The following TLE4 variants were observed in gnomAD, a reference collection of about 807,000 sequenced individuals.
The protein encoded by TLE4 is TLE family member 4, transcriptional corepressor.
Under a neutral mutation model 92.8 loss-of-function variants are expected in TLE4, and 8 were observed. The observed-to-expected ratio is 0.09, with a 90% CI of 0.05 to 0.16. The LOEUF (loss-of-function observed/expected upper bound fraction) is 0.16. Ranked by LOEUF, TLE4 falls within the 10% of genes least tolerant of loss-of-function variation. The pLI, the probability that TLE4 is intolerant of heterozygous loss-of-function variation, is 1.00. For missense variants in TLE4, 675 were observed against 997.6 expected, an observed-to-expected ratio of 0.68 and a Z score of 4.36; for synonymous variants, 371 against 374.1, an observed-to-expected ratio of 0.99 and a Z score of 0.10.
intron 14 of TLE4, among the ~76,000 whole-genome samples, chr9:79,716,825 T>A (rs2074590268): frequency 6.6e-6 from 1 of 152,246 alleles, no homozygotes. Context: ...CACTAATGAA[T>A]GTGCCCCTCA....
intron 4 of TLE4, among the ~76,000 whole-genome samples, chr9:79,578,228 GTT>G (rs1469866078): frequency 1.3e-5 from 2 of 152,184 alleles, no homozygotes; most frequent in Non-Finnish European, 1.5e-5. Context: ...ATGCAGGGAA[GTT>G]GCCCTGCGGC....
At chr9:79,593,790 GGT>G (rs2043259358) in intron 4 of TLE4, among the ~76,000 whole-genome samples, 1 of 151,880 alleles carries the variant, frequency 6.6e-6, no homozygotes, top group East Asian at 1.9e-4. Context: ...AGGTTCAAAG[GGT>G]GATACATAAA....
At position 79,707,205 on chromosome 9, in the gene TLE4, G is replaced by A. The variant is rs116420758; in HGVS notation, c.936+306G>A. 1.6e-3 allele frequency: 2,632 copies of A among 1,612,590 alleles called. 38 individuals carry two copies. The African/African-American group carries it at 0.031, about 19-fold the overall frequency. Reference sequence around the variant, plus strand: ...TTGGGGTTACAGAGATGGTTTTGTCGCCTGTGGTTTATGGTAAATTTAGTT... The same window carrying A: ...TTGGGGTTACAGAGATGGTTTTGTCACCTGTGGTTTATGGTAAATTTAGTT... On this transcript the variant is annotated intron_variant, in intron 11 of 19. Coordinates refer to ENST00000376552, the MANE Select transcript of TLE4 (RefSeq NM_007005.6).
At position 79,578,831 on chromosome 9, in the gene TLE4, AT is replaced by A. The variant is rs11419323; in HGVS notation, c.252+2668del. Among the ~76,000 whole-genome samples the A allele has an allele frequency of 3.5e-3, 509 of 144,524 alleles. 2 individuals are homozygous for A. Among genetic ancestry groups the A allele is most frequent in the East Asian group, 0.014 (72 of 4,972 alleles). 94.8% of individuals were successfully genotyped at this position (144,524 alleles called of 152,430 possible). ...AGCATTAGTCTGGTAGAATTAGTGG[AT>A]TTTTTTTTTTTTTAAAGGGGAACTT... On this transcript the variant is annotated intron_variant, in intron 4 of 19. Transcript: ENST00000376552.
At chr9:79,724,289 A>G (rs1011891293) in intron 19 of TLE4, among the ~76,000 whole-genome samples, 2 of 151,948 alleles carry the variant, frequency 1.3e-5, no homozygotes, top group African/African-American at 4.8e-5. Flanking sequence ...TTGTAAGGAA[A>G]CTGAGGTGCA....
chr9:79,583,402 C>T (rs1249920344), intron 4 of TLE4, among the ~76,000 whole-genome samples: 1 of 152,256 alleles, frequency 6.6e-6, no homozygotes, highest in Non-Finnish European at 1.5e-5. Flanking sequence ...TTTGCCCACA[C>T]ACATTTCAAG....
Position 79,697,226 on chromosome 9 carries a change from C to T in TLE4, c.610-7557C>T, listed in dbSNP as rs7039183. On this transcript the variant is annotated intron_variant, in intron 8 of 19. Coordinates refer to ENST00000376552, the MANE Select transcript of TLE4 (RefSeq NM_007005.6). ...AGGAGGTCCATTGGATTGAAAAGTG[C>T]GAAATGACTTTGGGGTGATAGGTAG... Among the ~76,000 whole-genome samples the T allele has an allele frequency of 6.0e-3, 907 of 152,132 alleles. 9 individuals are homozygous for T. Among genetic ancestry groups the T allele is most frequent in the African/African-American group, 0.02 (812 of 41,484 alleles).
intron 4 of TLE4, among the ~76,000 whole-genome samples, chr9:79,611,238 G>C (rs551310094): frequency 5.3e-4 from 81 of 152,150 alleles, no homozygotes; most frequent in Middle Eastern, 3.4e-3. Flanking sequence ...CTTAAAGGAT[G>C]GCTAAATGCT....
chr9:79,638,399 T>G (rs1346113719), intron 6 of TLE4, among the ~76,000 whole-genome samples: 1 of 152,170 alleles, frequency 6.6e-6, no homozygotes, highest in Non-Finnish European at 1.5e-5. Context: ...AGAGTAATAT[T>G]GCAAACTTAA....
chr9:79,657,885 A>G (rs1335146690), intron 8 of TLE4, among the ~76,000 whole-genome samples: 1 of 152,116 alleles, frequency 6.6e-6, no homozygotes, highest in Non-Finnish European at 1.5e-5. Flanking sequence ...TGCATTCTTT[A>G]TTACTTTGTA....
At chr9:79,617,493 G>A (rs922327621) in intron 5 of TLE4, among the ~76,000 whole-genome samples, 10 of 152,022 alleles carry the variant, frequency 6.6e-5, no homozygotes, top group African/African-American at 4.8e-5. Flanking sequence ...AGTTTATTAC[G>A]TTATAGTTGA....
intron 6 of TLE4, chr9:79,649,950 C>T (rs1365442711): frequency 1.7e-6 from 2 of 1,183,768 alleles, no homozygotes; most frequent in East Asian, 5.2e-5. Flanking sequence ...GGGTTTCACT[C>T]TGTCACACAG....
chr9:79,719,993 A>G (rs191161908), intron 15 of TLE4, 53 bp from the exon 16 acceptor site: 4 of 1,555,302 alleles, frequency 2.6e-6, no homozygotes, highest in Admixed American at 1.8e-5. Context: ...TCTCATGTTA[A>G]TGCTGTTTTC....
intron 5 of TLE4, among the ~76,000 whole-genome samples, chr9:79,621,614 A>G (rs995825395): frequency 1.9e-4 from 29 of 152,106 alleles, no homozygotes; most frequent in African/African-American, 7.0e-4. Flanking sequence ...GAGGAGATTG[A>G]TTCATTGGAT....
chr9:79,639,333 C>T (rs1238147929), intron 6 of TLE4, among the ~76,000 whole-genome samples: 1 of 152,042 alleles, frequency 6.6e-6, no homozygotes, highest in East Asian at 1.9e-4. Flanking sequence ...AGTTACATGC[C>T]ATATAATAAT....
chr9:79,598,994 C>T (rs905445895), intron 4 of TLE4, among the ~76,000 whole-genome samples: 35 of 152,232 alleles, frequency 2.3e-4, no homozygotes, highest in African/African-American at 7.7e-4. Flanking sequence ...CATTTTGTTC[C>T]TATTCTGAAA....
At chr9:79,582,136 C>G (rs1477144767) in intron 4 of TLE4, among the ~76,000 whole-genome samples, 1 of 151,988 alleles carries the variant, frequency 6.6e-6, no homozygotes, top group Non-Finnish European at 1.5e-5. Flanking sequence ...AAGGGGGAAG[C>G]TGGGAGGGGA....
chr9:79,711,634 GT>G (rs1186418889), intron 14 of TLE4, among the ~76,000 whole-genome samples: 2 of 152,154 alleles, frequency 1.3e-5, no homozygotes, highest in African/African-American at 2.4e-5. Flanking sequence ...AGGGGTGTAA[GT>G]GTCTTTAAGG....
intron 17 of TLE4, among the ~76,000 whole-genome samples, chr9:79,722,142 C>T (rs1291462443): frequency 1.3e-5 from 2 of 151,468 alleles, no homozygotes; most frequent in African/African-American, 2.4e-5. Context: ...TGCAGCCTGG[C>T]GACAGAGCAA....
Sources: allele counts gnomAD v4.1 joint callset (sites outside exome capture counted in the v4.1 genomes callset), GRCh38; gene constraint gnomAD v4.1.1; transcripts MANE v1.5; gene names NCBI Gene and HGNC (gene_info 2026-07-23, HGNC 2026-07-21).